FANCB: variants seen among roughly 807,000 people sequenced by gnomAD.
FANCB encodes the protein FA complementation group B.
Under a neutral mutation model 38.9 loss-of-function variants are expected in FANCB, and 5 were observed. The observed-to-expected ratio is 0.13, with a 90% CI of 0.07 to 0.27. FANCB has a LOEUF of 0.27. Among genes scored for constraint, FANCB ranks in the 10% least tolerant of loss-of-function variants. The pLI is 1.00. For missense variants in FANCB, 573 were observed against 602.7 expected (o/e 0.95, Z 0.52); for synonymous variants, 236 against 215.4 (o/e 1.10, Z -0.84).
At chrX:14,823,105 C>T in the FANCB span, among the ~76,000 whole-genome samples, 220 of 53,259 alleles carry the variant, frequency 4.1e-3, no homozygotes, top group African/African-American at 0.014. Flanking sequence ...TTTTTTGAGA[C>T]GAGTTTCGCT....
the FANCB span, among the ~76,000 whole-genome samples, chrX:14,728,154 C>T: frequency 9.0e-6 from 1 of 110,846 alleles, no homozygotes; most frequent in Non-Finnish European, 1.9e-5. Context: ...ACAACTAGGC[C>T]GAGGCAGGAA....
chrX:14,728,384 C>G, the FANCB span, among the ~76,000 whole-genome samples: 3 of 111,070 alleles, frequency 2.7e-5, no homozygotes, highest in African/African-American at 9.8e-5. Flanking sequence ...CAGAGTGAGA[C>G]TGTCTCAAAA....
chrX:14,689,962 A>G, the FANCB span, among the ~76,000 whole-genome samples: 11 of 112,179 alleles, frequency 9.8e-5, no homozygotes, highest in East Asian at 2.0e-3. Context: ...AGGGTTATCA[A>G]AGTTTTCTTT....
At chrX:14,743,599 TTGTCA>T in the FANCB span, among the ~76,000 whole-genome samples, 1 of 107,295 alleles carries the variant, frequency 9.3e-6, no homozygotes, top group Non-Finnish European at 1.9e-5. Flanking sequence ...TTTGTAGCTC[TTGTCA>T]TATCATTTTA....
At chrX:14,756,970 T>G in the FANCB span, among the ~76,000 whole-genome samples, 1 of 111,630 alleles carries the variant, frequency 9.0e-6, no homozygotes, top group Non-Finnish European at 1.9e-5. Flanking sequence ...TATGAATAAA[T>G]GCTTAACATC....
At chrX:14,763,771 T>C in the FANCB span, among the ~76,000 whole-genome samples, 7 of 111,978 alleles carry the variant, frequency 6.3e-5, no homozygotes, top group Non-Finnish European at 1.1e-4. Flanking sequence ...TTTTCTAAAC[T>C]CTTAGACTAT....
In FANCB at chrX:14,844,897, G is replaced by A; in HGVS notation, c.1886C>T (p.Thr629Ile). The A allele has an allele frequency of 8.3e-7, 1 of 1,202,469 alleles. No individual in the cohort carries two copies. The highest frequency in any genetic ancestry group is 1.1e-6 in the Non-Finnish European group (1 of 892,165). ...TGGAAATGTCAGTAGGTACTTCCCA[G>A]TTGAAAGATCTTCTAGACTTAAAAA... ...RVFLSLEDLS[T>I]GKYLLTFPKK... Residue 629 changes from threonine to isoleucine, a missense_variant, in exon 8 of 10, where the codon ACT (threonine) becomes ATT (isoleucine). Coordinates refer to ENST00000650831, the MANE Select transcript of FANCB (RefSeq NM_001018113.3).
chrX:14,795,085 A>C, the FANCB span, among the ~76,000 whole-genome samples: 1 of 112,029 alleles, frequency 8.9e-6, no homozygotes, highest in Non-Finnish European at 1.9e-5. Context: ...CAATTTCAAC[A>C]CAATGCTTTA....
the FANCB span, among the ~76,000 whole-genome samples, chrX:14,693,000 A>G: frequency 2.7e-5 from 3 of 110,737 alleles, no homozygotes; most frequent in East Asian, 8.4e-4. Flanking sequence ...TATGTAACTA[A>G]CCTGCACATT....
chrX:14,783,705 CA>C, the FANCB span, among the ~76,000 whole-genome samples: 23 of 112,028 alleles, frequency 2.1e-4, no homozygotes, highest in Non-Finnish European at 3.8e-4. Flanking sequence ...GAATGGAATT[CA>C]CAATAAAACA....
At chrX:14,695,181 G>T in the FANCB span, among the ~76,000 whole-genome samples, 1 of 111,073 alleles carries the variant, frequency 9.0e-6, no homozygotes, top group East Asian at 2.8e-4. Context: ...CTCTGAGAAT[G>T]GAGCATTCCA....
the FANCB span, among the ~76,000 whole-genome samples, chrX:14,736,904 C>A: frequency 3.6e-5 from 4 of 111,395 alleles, no homozygotes; most frequent in East Asian, 1.1e-3. Context: ...TGCCTGTAAT[C>A]CCAGCACTTT....
chrX:14,727,886 G>C, the FANCB span, among the ~76,000 whole-genome samples: 13 of 111,469 alleles, frequency 1.2e-4, no homozygotes, highest in Non-Finnish European at 2.1e-4. Context: ...TAGAGCCCTT[G>C]TCCAACTTCA....
chrX:14,858,883 T>G (rs2092434393), intron 4 of FANCB, among the ~76,000 whole-genome samples: 1 of 111,572 alleles, frequency 9.0e-6, no homozygotes, highest in Admixed American at 9.6e-5. Flanking sequence ...ATTATATTTA[T>G]TGGTATAAAA....
the FANCB span, among the ~76,000 whole-genome samples, chrX:14,826,288 A>G: frequency 1.8e-5 from 2 of 111,742 alleles, no homozygotes; most frequent in Non-Finnish European, 3.8e-5. Flanking sequence ...TCTGTCCCCA[A>G]GCAGAAGCCC....
the FANCB span, among the ~76,000 whole-genome samples, chrX:14,712,442 AT>A: frequency 9.0e-6 from 1 of 111,150 alleles, no homozygotes; most frequent in Non-Finnish European, 1.9e-5. Context: ...CAAGTGCAGG[AT>A]TTTGTCTTCT....
At chrX:14,704,413 C>T in the FANCB span, among the ~76,000 whole-genome samples, 1 of 112,187 alleles carries the variant, frequency 8.9e-6, no homozygotes, top group African/African-American at 3.2e-5. Flanking sequence ...TTCTTGATGG[C>T]AACTTGAGCT....
chrX:14,814,306 A>G, the FANCB span, among the ~76,000 whole-genome samples: 1 of 112,078 alleles, frequency 8.9e-6, no homozygotes, highest in Non-Finnish European at 1.9e-5. Context: ...AATGACAACA[A>G]AAGCCAAAAT....
chrX:14,870,681 T>C (rs1047730550), intron 1 of FANCB, among the ~76,000 whole-genome samples: 5 of 111,651 alleles, frequency 4.5e-5, no homozygotes, highest in African/African-American at 1.6e-4. Context: ...TCATCTACTC[T>C]TTACTGCCCC....
Sources: allele counts gnomAD v4.1 joint callset (sites outside exome capture counted in the v4.1 genomes callset), GRCh38; gene constraint gnomAD v4.1.1; transcripts MANE v1.5; gene names NCBI Gene and HGNC (gene_info 2026-07-23, HGNC 2026-07-21).